Variants in SUMF1 observed in about 807,000 individuals in gnomAD.
The protein encoded by SUMF1 is sulfatase modifying factor 1, also known as formylglycine-generating enzyme.
A neutral mutation model predicts 47.6 loss-of-function variants in SUMF1; 48 were observed. The observed-to-expected ratio is 1.01, with a 90% CI of 0.80 to 1.28. SUMF1 has a LOEUF of 1.28. SUMF1 is among the 50% of genes most tolerant of loss of function. The probability of loss-of-function intolerance (pLI) is 0.00; values close to 1 mark genes in which losing one functional copy is unlikely to be tolerated. For missense variants in SUMF1, 571 were observed against 485.4 expected (o/e 1.18, Z -1.66); for synonymous variants, 230 against 192.1 (o/e 1.20, Z -1.63).
intron 9 of SUMF1, among the ~76,000 whole-genome samples, chr3:4,064,671 A>G (rs958767767): frequency 1.3e-5 from 2 of 152,120 alleles, no homozygotes; most frequent in African/African-American, 4.8e-5. Flanking sequence ...TTTCAGTAAC[A>G]GCCTGATAAC....
At chr3:4,434,340 G>T (rs778019381) in intron 3 of SUMF1, among the ~76,000 whole-genome samples, 8 of 152,162 alleles carry the variant, frequency 5.3e-5, no homozygotes, top group Admixed American at 3.9e-4. Context: ...TCCAGCCAAG[G>T]CTTCTAAGAT....
chr3:4,036,502 T>G lies in SUMF1; in HGVS notation c.1191+32067A>C, dbSNP rs145396634. Among the ~76,000 whole-genome samples the G allele has an allele frequency of 2.7e-3, 418 of 152,058 alleles. 2 individuals carry two copies. The highest frequency in any genetic ancestry group is 9.6e-3 in the African/African-American group (398 of 41,478). On this transcript the variant is annotated intron_variant and NMD_transcript_variant, in intron 9 of 12. Coordinates refer to the SUMF1 transcript ENST00000448413. Reference sequence around the variant, plus strand: ...AAATGAAGGCTCTTTGGGGAAGACCTGCATGAGGGTTCTATAACTCTTCCC... The same window carrying G: ...AAATGAAGGCTCTTTGGGGAAGACCGGCATGAGGGTTCTATAACTCTTCCC...
intron 8 of SUMF1, among the ~76,000 whole-genome samples, chr3:4,265,187 T>A (rs952798496): frequency 6.6e-6 from 1 of 151,078 alleles, no homozygotes; most frequent in South Asian, 2.1e-4. Flanking sequence ...ATATGTTCTA[T>A]GCATCTGGCA....
At chr3:4,218,884 T>G (rs986653040) in intron 8 of SUMF1, among the ~76,000 whole-genome samples, 1 of 152,190 alleles carries the variant, frequency 6.6e-6, no homozygotes, top group African/African-American at 2.4e-5. Context: ...TTTCAGCATG[T>G]GTGGGTTTTT....
At chr3:4,262,669 C>G (rs1013673510) in intron 8 of SUMF1, among the ~76,000 whole-genome samples, 9 of 152,186 alleles carry the variant, frequency 5.9e-5, no homozygotes, top group Non-Finnish European at 1.3e-4. Flanking sequence ...AGGCATGCCT[C>G]TTTCCCAAAA....
intron 9 of SUMF1, among the ~76,000 whole-genome samples, chr3:4,051,265 C>T (rs1470053616): frequency 6.6e-6 from 1 of 152,046 alleles, no homozygotes; most frequent in Admixed American, 6.6e-5. Flanking sequence ...TTCTACCCTT[C>T]TGCTTTATTT....
At chr3:4,201,049 A>G (rs1274482581) in intron 8 of SUMF1, among the ~76,000 whole-genome samples, 1 of 152,114 alleles carries the variant, frequency 6.6e-6, no homozygotes, top group African/African-American at 2.4e-5. Context: ...TATATGAGAT[A>G]TATTGGTATA....
At chr3:4,105,531 T>A (rs979571736) in intron 8 of SUMF1, among the ~76,000 whole-genome samples, 3 of 151,838 alleles carry the variant, frequency 2.0e-5, no homozygotes, top group African/African-American at 7.3e-5. Flanking sequence ...TGAAAAGAGG[T>A]AAGAAAAGCA....
In SUMF1 at chr3:4,222,151, T is replaced by C. The variant is rs577192358; in HGVS notation, c.1015-153406A>G. 5.9e-5 allele frequency among the ~76,000 whole-genome samples: 9 copies of C among 152,254 alleles called. No individual in the cohort carries two copies. In the South Asian group the frequency reaches 1.9e-3, roughly 32 times the overall value. ...GGAAGAGCATGTACCAAAATACTAG[T>C]AGCAGTTATCTTTGGTGGGATAATA... On this transcript the variant is annotated intron_variant and NMD_transcript_variant, in intron 8 of 12. Transcript: ENST00000448413.
intron 8 of SUMF1, among the ~76,000 whole-genome samples, chr3:4,213,340 T>C (rs1262015645): frequency 1.3e-5 from 2 of 151,988 alleles, no homozygotes; most frequent in South Asian, 2.1e-4. Flanking sequence ...AGAAATAAAA[T>C]CCTTTACAGA....
intron 8 of SUMF1, chr3:4,313,126 A>G (rs1698482962): frequency 3.1e-6 from 5 of 1,614,060 alleles, no homozygotes; most frequent in Non-Finnish European, 3.4e-6. Flanking sequence ...TGACCACTGC[A>G]GAAACAGAGT....
chr3:4,176,696 C>T (rs1694972779), intron 8 of SUMF1, among the ~76,000 whole-genome samples: 1 of 152,108 alleles, frequency 6.6e-6, no homozygotes, highest in Non-Finnish European at 1.5e-5. Flanking sequence ...CAACATTAAC[C>T]TTAAATGTAA....
downstream of SUMF1, among the ~76,000 whole-genome samples, chr3:4,357,919 T>C (rs902525563): frequency 4.6e-5 from 7 of 152,074 alleles, no homozygotes; most frequent in Admixed American, 4.6e-4. Flanking sequence ...CGACCAACTC[T>C]TACTAAAATA....
intron 8 of SUMF1, among the ~76,000 whole-genome samples, chr3:4,139,622 C>T (rs1186185787): frequency 6.6e-6 from 1 of 150,838 alleles, no homozygotes; most frequent in East Asian, 1.9e-4. Context: ...AGGGGAGAGC[C>T]AGTTGTTAAT....
At chr3:4,240,149 G>A (rs1303982613) in intron 8 of SUMF1, among the ~76,000 whole-genome samples, 1 of 152,152 alleles carries the variant, frequency 6.6e-6, no homozygotes, top group Non-Finnish European at 1.5e-5. Flanking sequence ...ACTTTTTGAT[G>A]TGCTGCTGGA....
At chr3:4,143,673 A>G (rs1443288127) in intron 8 of SUMF1, among the ~76,000 whole-genome samples, 1 of 152,114 alleles carries the variant, frequency 6.6e-6, no homozygotes, top group African/African-American at 2.4e-5. Flanking sequence ...GGGGGAATTT[A>G]TTTATCTCTT....
intron 8 of SUMF1, among the ~76,000 whole-genome samples, chr3:4,354,621 A>T (rs1699578808): frequency 6.6e-6 from 1 of 152,126 alleles, no homozygotes; most frequent in Non-Finnish European, 1.5e-5. Context: ...TAATCATGCC[A>T]GCTTTTTTCT....
At chr3:4,096,760 C>G (rs974847540) in intron 8 of SUMF1, among the ~76,000 whole-genome samples, 4 of 152,076 alleles carry the variant, frequency 2.6e-5, no homozygotes, top group African/African-American at 9.7e-5. Flanking sequence ...GAAATGTCCA[C>G]AGCAATCAGG....
intron 8 of SUMF1, among the ~76,000 whole-genome samples, chr3:4,159,645 G>C (rs1010122487): frequency 1.3e-5 from 2 of 151,994 alleles, no homozygotes; most frequent in Non-Finnish European, 2.9e-5. Context: ...AGTAAGGTTT[G>C]TACCTTCAGA....
Sources: gnomAD v4.1 joint callset for allele counts (sites outside exome capture counted in the v4.1 genomes callset) on GRCh38, gnomAD v4.1.1 for gene constraint, MANE v1.5 for transcripts, NCBI Gene and HGNC (gene_info 2026-07-23, HGNC 2026-07-21) for gene names.